FHIT: variants seen among roughly 807,000 people sequenced by gnomAD.
The protein encoded by FHIT is fragile histidine triad diadenosine triphosphatase.
Under a neutral mutation model 17.9 loss-of-function variants are expected in FHIT, and 19 were observed. The observed-to-expected ratio is 1.06, with a 90% CI of 0.74 to 1.56. The LOEUF (loss-of-function observed/expected upper bound fraction) is 1.56. FHIT is among the 40% of genes most tolerant of loss of function. The probability of loss-of-function intolerance (pLI) is 0.00; values close to 1 mark genes in which losing one functional copy is unlikely to be tolerated. For synonymous variants in FHIT, 81 were observed against 69.7 expected (o/e 1.16, Z -0.81); for missense variants, 248 against 189.2 (o/e 1.31, Z -1.82).
At chr3:60,548,351 T>C (rs1028304259) in intron 4 of FHIT, among the ~76,000 whole-genome samples, 6 of 152,162 alleles carry the variant, frequency 3.9e-5, no homozygotes, top group Admixed American at 3.9e-4. Flanking sequence ...TATAAGCCTA[T>C]ATCTGTCATT....
chr3:61,164,667 A>T (rs1303404780), intron 2 of FHIT, among the ~76,000 whole-genome samples: 8 of 152,006 alleles, frequency 5.3e-5, no homozygotes, highest in African/African-American at 1.9e-4. Context: ...TTTTAGATTC[A>T]GGGGGTATAT....
chr3:60,100,991 C>G (rs1215463183), intron 5 of FHIT, among the ~76,000 whole-genome samples: 1 of 152,154 alleles, frequency 6.6e-6, no homozygotes, highest in Non-Finnish European at 1.5e-5. Flanking sequence ...TTCTTGTTGA[C>G]TCTATTTCTG....
intron 8 of FHIT, among the ~76,000 whole-genome samples, chr3:59,827,876 C>T (rs1701030909): frequency 6.6e-6 from 1 of 152,174 alleles, no homozygotes; most frequent in African/African-American, 2.4e-5. Context: ...CTACCATTTG[C>T]CCCATCTAAG....
intron 5 of FHIT, among the ~76,000 whole-genome samples, chr3:60,479,766 G>A (rs1393394000): frequency 6.6e-6 from 1 of 152,146 alleles, no homozygotes; most frequent in African/African-American, 2.4e-5. Context: ...GCACATGCGA[G>A]GGATCTAGGT....
chr3:60,375,518 T>C (rs1439940503), intron 5 of FHIT, among the ~76,000 whole-genome samples: 1 of 152,012 alleles, frequency 6.6e-6, no homozygotes, highest in Non-Finnish European at 1.5e-5. Context: ...GAGGTTGCAG[T>C]GAGCAGAGAT....
chr3:60,562,944 A>G (rs1208406722), intron 4 of FHIT, among the ~76,000 whole-genome samples: 1 of 152,214 alleles, frequency 6.6e-6, no homozygotes, highest in Non-Finnish European at 1.5e-5. Context: ...AACAAGTACA[A>G]AGCCCTGATA....
intron 7 of FHIT, among the ~76,000 whole-genome samples, chr3:59,970,023 T>C (rs1708104025): frequency 6.6e-6 from 1 of 152,040 alleles, no homozygotes; most frequent in African/African-American, 2.4e-5. Context: ...TAACTGAATA[T>C]CATTTTGCTG....
At chr3:61,249,687 G>C (rs999214754) in intron 1 of FHIT, among the ~76,000 whole-genome samples, 1 of 152,086 alleles carries the variant, frequency 6.6e-6, no homozygotes, top group Non-Finnish European at 1.5e-5. Context: ...TAGCTTTTAA[G>C]AGGATTAAAT....
intron 5 of FHIT, among the ~76,000 whole-genome samples, chr3:60,257,315 G>A (rs1355562454): frequency 1.3e-5 from 2 of 152,120 alleles, no homozygotes; most frequent in African/African-American, 4.8e-5. Context: ...GTTGCCAAAT[G>A]AATTAAATCC....
chr3:59,857,664 CAG>C (rs769287272), intron 8 of FHIT, among the ~76,000 whole-genome samples: 49 of 149,052 alleles, frequency 3.3e-4, no homozygotes, highest in Non-Finnish European at 6.2e-4. Context: ...TTAAAGATTA[CAG>C]AGTGACGTCA....
intron 5 of FHIT, among the ~76,000 whole-genome samples, chr3:60,276,208 G>A (rs143963256): frequency 4.5e-4 from 69 of 152,108 alleles, no homozygotes; most frequent in African/African-American, 1.4e-3. Flanking sequence ...GGATGGCCTC[G>A]ATCTCCTGAC....
At chr3:59,995,525 T>G (rs1322106867) in intron 7 of FHIT, among the ~76,000 whole-genome samples, 2 of 152,140 alleles carry the variant, frequency 1.3e-5, no homozygotes, top group Non-Finnish European at 2.9e-5. Flanking sequence ...ATTGTAAACT[T>G]AACACCAGAG....
At chr3:60,784,771 G>A (rs906455263) in intron 4 of FHIT, among the ~76,000 whole-genome samples, 1 of 152,202 alleles carries the variant, frequency 6.6e-6, no homozygotes, top group African/African-American at 2.4e-5. Flanking sequence ...AGGAAGTAGG[G>A]CCTTTGAGAG....
At chr3:59,801,393 A>G (rs1011255346) in intron 8 of FHIT, among the ~76,000 whole-genome samples, 1 of 152,228 alleles carries the variant, frequency 6.6e-6, no homozygotes, top group African/African-American at 2.4e-5. Context: ...TAACTTAAAA[A>G]TAAAAGACTG....
intron 5 of FHIT, among the ~76,000 whole-genome samples, chr3:60,117,284 T>C (rs1344273589): frequency 6.6e-6 from 1 of 152,092 alleles, no homozygotes; most frequent in Non-Finnish European, 1.5e-5. Context: ...GTTGGGTAAA[T>C]AGTAGAATAG....
At chr3:59,964,582 A>G (rs1390381917) in intron 7 of FHIT, among the ~76,000 whole-genome samples, 1 of 152,152 alleles carries the variant, frequency 6.6e-6, no homozygotes, top group East Asian at 1.9e-4. Context: ...TTATGTGGAA[A>G]TTATTTATCA....
At chr3:60,521,564 T>A (rs1327999457) in intron 5 of FHIT, among the ~76,000 whole-genome samples, 1 of 152,150 alleles carries the variant, frequency 6.6e-6, no homozygotes, top group Non-Finnish European at 1.5e-5. Context: ...ATAATTATTA[T>A]ACCATGCTTC....
At chr3:60,789,298 C>A (rs1553727901) in intron 4 of FHIT, among the ~76,000 whole-genome samples, 1 of 151,886 alleles carries the variant, frequency 6.6e-6, no homozygotes. Context: ...GCGGGTAGAT[C>A]ACGAGGTCAA....
intron 5 of FHIT, among the ~76,000 whole-genome samples, chr3:60,056,923 A>C (rs1486199814): frequency 1.3e-5 from 2 of 152,142 alleles, no homozygotes; most frequent in Non-Finnish European, 2.9e-5. Flanking sequence ...TGGAGCGGTA[A>C]TGGTCCCAGA....
Sources: gnomAD v4.1 joint callset for allele counts (sites outside exome capture counted in the v4.1 genomes callset) on GRCh38, gnomAD v4.1.1 for gene constraint, MANE v1.5 for transcripts, NCBI Gene and HGNC (gene_info 2026-07-23, HGNC 2026-07-21) for gene names.